Variants in ST6GAL2 observed in about 807,000 individuals in gnomAD.
ST6GAL2 encodes the protein ST6 beta-galactoside alpha-2,6-sialyltransferase 2.
A neutral mutation model predicts 37.5 loss-of-function variants in ST6GAL2; 24 were observed. The observed-to-expected ratio is 0.64, with a 90% CI of 0.46 to 0.90. The LOEUF (loss-of-function observed/expected upper bound fraction) is 0.90. ST6GAL2 is among the 40% of genes least tolerant of loss of function. The pLI is 0.00. For synonymous variants in ST6GAL2, 306 were observed against 295.1 expected, an observed-to-expected ratio of 1.04 and a Z score of -0.38; for missense variants, 715 against 712.7, an observed-to-expected ratio of 1.00 and a Z score of -0.04.
chr2:106,848,383 T>G (rs960368492), intron 1 of ST6GAL2, among the ~76,000 whole-genome samples: 1 of 152,340 alleles, frequency 6.6e-6, no homozygotes. Context: ...TAGTCACCAT[T>G]TCCTGGTTTC....
chr2:106,863,335 T>C (rs1677883421), intron 1 of ST6GAL2, among the ~76,000 whole-genome samples: 1 of 152,186 alleles, frequency 6.6e-6, no homozygotes, highest in African/African-American at 2.4e-5. Flanking sequence ...ACAGAACAGA[T>C]TGGATCATGG....
At position 106,845,347 on chromosome 2, in the gene ST6GAL2, A is replaced by G. The variant is rs575878078; in HGVS notation, c.-57-1313T>C. 3.9e-5 allele frequency among the ~76,000 whole-genome samples: 6 copies of G among 152,328 alleles called. No homozygotes were observed. The South Asian group carries it at 1.2e-3, about 32-fold the overall frequency. ...AGTTCTGAGAGCAAAGGAGTTATGC[A>G]TTGGTTCCATGGGCTTTCAGGAGAT... On this transcript the variant is annotated intron_variant, in intron 1 of 5. Transcript: ENST00000409382.
chr2:106,839,784 A>G (rs1292665221), intron 2 of ST6GAL2, among the ~76,000 whole-genome samples: 1 of 152,194 alleles, frequency 6.6e-6, no homozygotes, highest in Non-Finnish European at 1.5e-5. Flanking sequence ...TTTCCACATG[A>G]ATGCTAGTAG....
At chr2:106,863,018 G>C (rs1022643653) in intron 1 of ST6GAL2, among the ~76,000 whole-genome samples, 5 of 150,260 alleles carry the variant, frequency 3.3e-5, no homozygotes, top group Non-Finnish European at 7.4e-5. Flanking sequence ...AAAAGCTAAA[G>C]AACATGGTAT....
At chr2:106,836,192 C>G (rs1299082981) in intron 2 of ST6GAL2, among the ~76,000 whole-genome samples, 1 of 152,162 alleles carries the variant, frequency 6.6e-6, no homozygotes, top group African/African-American at 2.4e-5. Flanking sequence ...TTTTTAATGT[C>G]TGCAAGTCTC....
chr2:106,874,695 A>G (rs1160979238), intron 1 of ST6GAL2, among the ~76,000 whole-genome samples: 1 of 152,210 alleles, frequency 6.6e-6, no homozygotes, highest in Non-Finnish European at 1.5e-5. Context: ...AGTATGATAA[A>G]CAGGTGATGC....
intron 1 of ST6GAL2, among the ~76,000 whole-genome samples, chr2:106,849,054 A>C (rs1412478982): frequency 6.6e-6 from 1 of 152,154 alleles, no homozygotes; most frequent in Non-Finnish European, 1.5e-5. Flanking sequence ...TATATAATCG[A>C]AACTTTAACT....
At chr2:106,844,362 T>C (rs1338491546) in intron 1 of ST6GAL2, among the ~76,000 whole-genome samples, 11 of 152,124 alleles carry the variant, frequency 7.2e-5, no homozygotes, top group Admixed American at 6.5e-5. Flanking sequence ...TGATAGACAG[T>C]AGTGCCCCTG....
intron 5 of ST6GAL2, among the ~76,000 whole-genome samples, chr2:106,823,945 G>A (rs1453009822): frequency 3.3e-5 from 5 of 152,068 alleles, no homozygotes; most frequent in African/African-American, 4.8e-5. Flanking sequence ...CCTCCCAATG[G>A]TCCCACCTCC....
intron 1 of ST6GAL2, among the ~76,000 whole-genome samples, chr2:106,872,689 A>AACCTCCGC (rs3080648): frequency 0.87 from 132,187 of 151,608 alleles, 57,797 homozygotes; most frequent in East Asian, 0.98. Flanking sequence ...GGCTCACTGC[A>AACCTCCGC]CTCCCGGGTT....
At chr2:106,836,773 C>CAAAAAAAAAAAAAAAA (rs70956213) in intron 2 of ST6GAL2, among the ~76,000 whole-genome samples, 1 of 70,262 alleles carries the variant, frequency 1.4e-5, no homozygotes, top group African/African-American at 6.0e-5. Context: ...ACTAAAAATA[C>CAAAAAAAAAAAAAAAA]AAAAAAAAAA....
At chr2:106,807,088 G>A in intron 5 of ST6GAL2, 139 bp from the exon 6 acceptor site, 1 of 694,442 alleles carries the variant, frequency 1.4e-6, no homozygotes, top group East Asian at 2.7e-5. Flanking sequence ...CATTTGCAAT[G>A]TTATAACTTC....
intron 1 of ST6GAL2, among the ~76,000 whole-genome samples, chr2:106,866,907 T>G (rs1175234533): frequency 2.0e-5 from 3 of 152,212 alleles, no homozygotes; most frequent in African/African-American, 7.2e-5. Flanking sequence ...ACTTCAGTGA[T>G]TATGCAAACA....
chr2:106,823,056 C>T (rs2104445261), intron 5 of ST6GAL2: 1 of 152,182 alleles, frequency 6.6e-6, no homozygotes, highest in East Asian at 1.9e-4. Flanking sequence ...TGAAGAGGTT[C>T]TTAGAGTTTG....
chr2:106,884,079 GA>G (rs1310397522), intron 1 of ST6GAL2, among the ~76,000 whole-genome samples: 1 of 151,516 alleles, frequency 6.6e-6, no homozygotes, highest in Non-Finnish European at 1.5e-5. Flanking sequence ...CAATAGACCA[GA>G]GCCTCACACA....
intron 5 of ST6GAL2, among the ~76,000 whole-genome samples, chr2:106,819,476 C>A (rs1191233774): frequency 6.6e-6 from 1 of 151,872 alleles, no homozygotes; most frequent in East Asian, 1.9e-4. Context: ...GAAGGAAAAA[C>A]AAATACACTT....
At chr2:106,844,810 A>C (rs1050602576) in intron 1 of ST6GAL2, among the ~76,000 whole-genome samples, 1 of 152,202 alleles carries the variant, frequency 6.6e-6, no homozygotes, top group Non-Finnish European at 1.5e-5. Flanking sequence ...TGAGACTCAG[A>C]GAAAGGGTAA....
At chr2:106,862,600 T>C (rs1487597928) in intron 1 of ST6GAL2, among the ~76,000 whole-genome samples, 1 of 151,886 alleles carries the variant, frequency 6.6e-6, no homozygotes, top group Non-Finnish European at 1.5e-5. Context: ...ATGGCTACTA[T>C]GGGTTTGCAC....
intron 1 of ST6GAL2, among the ~76,000 whole-genome samples, chr2:106,872,642 T>C (rs1678319821): frequency 6.6e-6 from 1 of 150,788 alleles, no homozygotes. Context: ...GGAGTTTCGC[T>C]CTCGTCACCC....
Sources: allele counts gnomAD v4.1 joint callset (sites outside exome capture counted in the v4.1 genomes callset), GRCh38; gene constraint gnomAD v4.1.1; transcripts MANE v1.5; gene names NCBI Gene and HGNC (gene_info 2026-07-23, HGNC 2026-07-21).